AUTS2: variants seen among roughly 807,000 people sequenced by gnomAD.
AUTS2 encodes activator of transcription and developmental regulator AUTS2.
AUTS2 carries 17 observed loss-of-function variants against 112.4 expected under a neutral mutation model. The observed-to-expected ratio is 0.15, with a 90% CI of 0.10 to 0.23. The LOEUF (loss-of-function observed/expected upper bound fraction) is 0.23, where lower values mean the gene tolerates loss of function less well. Among genes scored for constraint, AUTS2 ranks in the 10% least tolerant of loss-of-function variants. AUTS2 has a pLI of 1.00. For missense variants in AUTS2, 1,510 were observed against 1,701.6 expected, an observed-to-expected ratio of 0.89 and a Z score of 1.98; for synonymous variants, 751 against 702.7, an observed-to-expected ratio of 1.07 and a Z score of -1.09.
intron 5 of AUTS2, among the ~76,000 whole-genome samples, chr7:70,561,952 A>G (rs1801506527): frequency 6.6e-6 from 1 of 152,100 alleles, no homozygotes; most frequent in East Asian, 1.9e-4. Context: ...TCCCTCATGA[A>G]CGGCTTGGTG....
At chr7:70,371,072 A>G (rs1585068735) in intron 4 of AUTS2, among the ~76,000 whole-genome samples, 1 of 152,264 alleles carries the variant, frequency 6.6e-6, no homozygotes, top group East Asian at 1.9e-4. Flanking sequence ...CTTTTATAGT[A>G]TGCCCAGTCC....
intron 4 of AUTS2, among the ~76,000 whole-genome samples, chr7:70,258,770 A>C (rs1451939784): frequency 2.0e-5 from 3 of 152,194 alleles, no homozygotes; most frequent in Non-Finnish European, 4.4e-5. Context: ...GGTAAACTTC[A>C]AAAGTGACTA....
At chr7:70,750,930 C>T (rs188122099) in intron 6 of AUTS2, among the ~76,000 whole-genome samples, 6 of 151,074 alleles carry the variant, frequency 4.0e-5, no homozygotes, top group East Asian at 1.9e-4. Context: ...TGTTGAAACT[C>T]GAAACTAGGG....
At chr7:69,951,715 G>A (rs1156964133) in intron 2 of AUTS2, among the ~76,000 whole-genome samples, 1 of 152,168 alleles carries the variant, frequency 6.6e-6, no homozygotes, top group Non-Finnish European at 1.5e-5. Flanking sequence ...CATTGTTCCT[G>A]TGGGACTTGC....
intron 4 of AUTS2, among the ~76,000 whole-genome samples, chr7:70,275,180 G>C (rs777472487): frequency 1.3e-5 from 2 of 152,196 alleles, no homozygotes; most frequent in Non-Finnish European, 2.9e-5. Flanking sequence ...CTACAGACAT[G>C]AGCTACCATG....
At chr7:70,726,784 C>A (rs1787059405) in intron 6 of AUTS2, among the ~76,000 whole-genome samples, 3 of 152,206 alleles carry the variant, frequency 2.0e-5, no homozygotes, top group African/African-American at 7.2e-5. Context: ...TCTTCTGGAA[C>A]CCTAGTGACC....
chr7:70,489,509 TAG>T (rs1309111124), intron 5 of AUTS2, among the ~76,000 whole-genome samples: 1 of 152,232 alleles, frequency 6.6e-6, no homozygotes, highest in African/African-American at 2.4e-5. Flanking sequence ...GACAAAGCCG[TAG>T]AGAGACGACA....
chr7:69,990,705 C>T (rs1293851191), intron 2 of AUTS2, among the ~76,000 whole-genome samples: 1 of 152,104 alleles, frequency 6.6e-6, no homozygotes, highest in Non-Finnish European at 1.5e-5. Context: ...AGCTGGTGGT[C>T]ATATTTATAT....
intron 4 of AUTS2, among the ~76,000 whole-genome samples, chr7:70,241,654 G>A (rs890381899): frequency 6.6e-6 from 1 of 152,078 alleles, no homozygotes; most frequent in East Asian, 1.9e-4. Context: ...AGTCCCAAAG[G>A]TAATCAAAAG....
chr7:69,699,653 T>C (rs997332748), intron 1 of AUTS2, among the ~76,000 whole-genome samples: 1 of 150,008 alleles, frequency 6.7e-6, no homozygotes, highest in South Asian at 2.2e-4. Flanking sequence ...TTTTTTTTTT[T>C]TTTTTTTTCC....
At position 69,701,455 on chromosome 7, in the gene AUTS2, GC is replaced by G. The variant is rs1418494820; in HGVS notation, c.309+101496del. Among the ~76,000 whole-genome samples, 4 of 152,130 alleles carry G rather than the reference GC, an allele frequency of 2.6e-5. 1 individual carries two copies. The Middle Eastern group carries it at 9.5e-3, about 361-fold the overall frequency. On this transcript the variant is annotated intron_variant, in intron 1 of 18. Coordinates refer to ENST00000342771, the MANE Select transcript of AUTS2 (RefSeq NM_015570.4). The stretch of plus-strand genomic sequence containing the variant: ...GATGATGTGTAAGATGCTGCAAGGA[GC>G]CCTCGTGCCTTGCAGCCTGAGCACA...
chr7:70,775,528 G>A lies in AUTS2; in HGVS notation c.1932+142G>A, dbSNP rs548208246. 5 of 697,990 alleles carry A rather than the reference G, an allele frequency of 7.2e-6. No homozygotes were observed. The Admixed American group carries it at 9.2e-5, about 13-fold the overall frequency. 43.2% of individuals were successfully genotyped at this position (697,990 alleles called of 1,614,324 possible). A position where few individuals can be genotyped will look rare whatever the true frequency, so the allele number is the denominator to read the frequency against. On this transcript the variant is annotated intron_variant, in intron 13 of 18. Coordinates refer to ENST00000342771, the MANE Select transcript of AUTS2 (RefSeq NM_015570.4). ...TGACGGTGATTGGGTTTTTCAGATAGTGTGATTGAAAATGGCCTAAACTGT... is the reference window on the plus strand; with the variant it reads ...TGACGGTGATTGGGTTTTTCAGATAATGTGATTGAAAATGGCCTAAACTGT...
chr7:69,804,689 G>T (rs1472657029), intron 1 of AUTS2, among the ~76,000 whole-genome samples: 1 of 152,214 alleles, frequency 6.6e-6, no homozygotes, highest in East Asian at 1.9e-4. Flanking sequence ...ACAGACCTGA[G>T]TTGTTGTCGA....
intron 2 of AUTS2, among the ~76,000 whole-genome samples, chr7:69,990,922 T>G (rs1798717271): frequency 6.6e-6 from 1 of 152,222 alleles, no homozygotes; most frequent in Non-Finnish European, 1.5e-5. Context: ...TTCAGATTTG[T>G]GTTCCTCAAT....
intron 6 of AUTS2, among the ~76,000 whole-genome samples, chr7:70,717,332 C>A (rs1172168019): frequency 6.6e-6 from 1 of 152,126 alleles, no homozygotes; most frequent in Admixed American, 6.5e-5. Context: ...AGGCCTGTAC[C>A]ACCATACCCG....
intron 4 of AUTS2, among the ~76,000 whole-genome samples, chr7:70,395,081 T>C (rs544170418): frequency 6.6e-6 from 1 of 151,852 alleles, no homozygotes; most frequent in East Asian, 2.0e-4. Flanking sequence ...TGTAAAATGA[T>C]TCTTAGTGGC....
chr7:70,104,270 A>G (rs1306150086), intron 2 of AUTS2, among the ~76,000 whole-genome samples: 1 of 151,894 alleles, frequency 6.6e-6, no homozygotes, highest in Non-Finnish European at 1.5e-5. Flanking sequence ...TTTTTTGGGA[A>G]AAATCCTAAC....
At chr7:70,377,330 ATATATATAT>A (rs1793140878) in intron 4 of AUTS2, among the ~76,000 whole-genome samples, 1 of 23,114 alleles carries the variant, frequency 4.3e-5, no homozygotes, top group African/African-American at 1.8e-4. Context: ...ATATAAATAT[ATATATATAT>A]ATATATATAT....
chr7:70,640,574 T>TGTGC (rs745317190), intron 5 of AUTS2, among the ~76,000 whole-genome samples: 1 of 83,022 alleles, frequency 1.2e-5, no homozygotes, highest in Middle Eastern at 6.6e-3. Flanking sequence ...GAACTAATGG[T>TGTGC]GTGTGTGTGT....
Sources: allele counts gnomAD v4.1 joint callset (sites outside exome capture counted in the v4.1 genomes callset), GRCh38; gene constraint gnomAD v4.1.1; transcripts MANE v1.5; gene names NCBI Gene and HGNC (gene_info 2026-07-23, HGNC 2026-07-21).